The following RARS2 variants were observed in gnomAD, a reference collection of about 807,000 sequenced individuals.
RARS2 encodes the protein probable arginine--tRNA ligase, mitochondrial.
A neutral mutation model predicts 88.5 loss-of-function variants in RARS2; 67 were observed. The observed-to-expected ratio is 0.76, with a 90% CI of 0.62 to 0.93. RARS2 has a LOEUF of 0.93. Ranked by LOEUF, RARS2 falls within the 40% of genes least tolerant of loss-of-function variation. The pLI is 0.00. For synonymous variants in RARS2, 239 were observed against 230.3 expected (o/e 1.04, Z -0.34); for missense variants, 664 against 684.2 (o/e 0.97, Z 0.33).
At chr6:87,580,772 T>G (rs1023980231) in intron 1 of RARS2, among the ~76,000 whole-genome samples, 1 of 151,900 alleles carries the variant, frequency 6.6e-6, no homozygotes, top group African/African-American at 2.4e-5. Flanking sequence ...ATTTATTTAT[T>G]TATTTGCTTA....
chr6:87,536,682 T>C (rs904748835), intron 8 of RARS2, among the ~76,000 whole-genome samples: 1 of 151,190 alleles, frequency 6.6e-6, no homozygotes, highest in Admixed American at 6.6e-5. Context: ...CTTTTCAATA[T>C]AAGTGGAAAG....
intron 8 of RARS2, among the ~76,000 whole-genome samples, chr6:87,531,223 A>T (rs1277358749): frequency 2.0e-5 from 3 of 152,248 alleles, no homozygotes; most frequent in Non-Finnish European, 2.9e-5. Context: ...TTTGTGATAT[A>T]GTAATGGAGG....
At chr6:87,552,532 G>A (rs1334178413) in intron 5 of RARS2, among the ~76,000 whole-genome samples, 6 of 152,098 alleles carry the variant, frequency 3.9e-5, no homozygotes, top group Admixed American at 3.9e-4. Flanking sequence ...TTAGAAAAAA[G>A]CTAAGAGAGG....
chr6:87,579,139 T>C (rs2128215659), intron 1 of RARS2, among the ~76,000 whole-genome samples: 1 of 152,230 alleles, frequency 6.6e-6, no homozygotes, highest in Admixed American at 6.5e-5. Context: ...CTTAAAAATC[T>C]ATCAGAGGAG....
intron 17 of RARS2, among the ~76,000 whole-genome samples, chr6:87,517,279 A>G (rs1410836745): frequency 6.6e-6 from 1 of 151,428 alleles, no homozygotes; most frequent in African/African-American, 2.4e-5. Context: ...CTCCGTCTCA[A>G]AAAAAAAGAA....
intron 10 of RARS2, among the ~76,000 whole-genome samples, chr6:87,526,630 TAG>T (rs1353816098): frequency 1.8e-4 from 27 of 150,624 alleles, no homozygotes; most frequent in African/African-American, 6.4e-4. Context: ...TGGAATAGAA[TAG>T]AGAGCCTAGA....
At chr6:87,564,069 A>C (rs1788655528) in intron 3 of RARS2, 61 bp downstream of exon 3, 2 of 1,281,144 alleles carry the variant, frequency 1.6e-6, no homozygotes, top group African/African-American at 2.9e-5. Flanking sequence ...TAGCCTGCAA[A>C]GTACTTTTTT....
At chr6:87,519,790 G>T in intron 13 of RARS2, 83 bp from the exon 14 acceptor site, 1 of 1,516,988 alleles carries the variant, frequency 6.6e-7, no homozygotes, top group South Asian at 1.1e-5. Context: ...AGAGTGGTTT[G>T]AACTTTAACC....
chr6:87,587,366 TC>T (rs1318392336), intron 1 of RARS2, among the ~76,000 whole-genome samples: 1 of 152,194 alleles, frequency 6.6e-6, no homozygotes, highest in Non-Finnish European at 1.5e-5. Flanking sequence ...TGCTCTTTTT[TC>T]CCCATGTCCT....
At position 87,557,194 on chromosome 6, in the gene RARS2, A is replaced by C. The variant is rs559769184; in HGVS notation, c.298-1689T>G. Among the ~76,000 whole-genome samples, 7 of 152,308 alleles carry C rather than the reference A, an allele frequency of 4.6e-5. 1 individual carries two copies. The South Asian group carries it at 1.4e-3, about 32-fold the overall frequency. The stretch of plus-strand genomic sequence containing the variant: ...ACATTTCCCATTTAATGGATGCAAA[A>C]ACTAAGGTTCAGAAATAGTATGTAT... On this transcript the variant is annotated intron_variant, in intron 4 of 19. Transcript: ENST00000369536.
intron 1 of RARS2, among the ~76,000 whole-genome samples, chr6:87,575,277 A>ACACC (rs1422126329): frequency 2.7e-3 from 374 of 140,122 alleles, no homozygotes; most frequent in Middle Eastern, 7.6e-3. Flanking sequence ...ACACACACAC[A>ACACC]CCTTGGCTTC....
At chr6:87,569,645 C>G in intron 1 of RARS2, 55 bp from the exon 2 acceptor site, 1 of 1,289,470 alleles carries the variant, frequency 7.8e-7, no homozygotes. Flanking sequence ...TTGTTCCATT[C>G]AATGGAATAC....
intron 3 of RARS2, 41 bp from the exon 4 acceptor site, chr6:87,562,826 T>G: frequency 6.9e-7 from 1 of 1,451,598 alleles, no homozygotes; most frequent in Non-Finnish European, 9.7e-7. Flanking sequence ...TGTTATATAA[T>G]AGGCCTAATG....
chr6:87,539,012 C>A (rs1470169865), intron 8 of RARS2, among the ~76,000 whole-genome samples: 1 of 150,254 alleles, frequency 6.7e-6, no homozygotes, highest in Non-Finnish European at 1.5e-5. Flanking sequence ...CCAGGCTGGG[C>A]AACAGAGTAA....
At chr6:87,539,954 A>G (rs1400047634) in intron 8 of RARS2, among the ~76,000 whole-genome samples, 1 of 152,166 alleles carries the variant, frequency 6.6e-6, no homozygotes, top group Admixed American at 6.6e-5. Flanking sequence ...AATACAGTAA[A>G]AACTCCAGGC....
At chr6:87,533,436 C>T (rs1778190085) in intron 8 of RARS2, among the ~76,000 whole-genome samples, 1 of 152,106 alleles carries the variant, frequency 6.6e-6, no homozygotes, top group South Asian at 2.1e-4. Flanking sequence ...TTACCATGTA[C>T]CTTTTTAATT....
At chr6:87,586,576 T>C (rs1273827316) in intron 1 of RARS2, among the ~76,000 whole-genome samples, 1 of 152,248 alleles carries the variant, frequency 6.6e-6, no homozygotes, top group Non-Finnish European at 1.5e-5. Context: ...TTTCCAAGCA[T>C]GTCTGAGGCC....
chr6:87,542,908 T>A (rs993826011), intron 7 of RARS2, among the ~76,000 whole-genome samples: 3 of 151,914 alleles, frequency 2.0e-5, no homozygotes, highest in Non-Finnish European at 4.4e-5. Flanking sequence ...GGCACATGTA[T>A]ACATATGTAA....
chr6:87,544,326 T>C (rs1781927790), intron 7 of RARS2, among the ~76,000 whole-genome samples: 2 of 152,248 alleles, frequency 1.3e-5, no homozygotes, highest in African/African-American at 4.8e-5. Flanking sequence ...ACAGTAATGG[T>C]TCTGTTAACA....
Sources: allele counts gnomAD v4.1 joint callset (sites outside exome capture counted in the v4.1 genomes callset), GRCh38; gene constraint gnomAD v4.1.1; transcripts MANE v1.5; gene names NCBI Gene and HGNC (gene_info 2026-07-23, HGNC 2026-07-21).